PBX4: variants seen among roughly 807,000 people sequenced by gnomAD.
PBX4 encodes pre-B-cell leukemia transcription factor 4.
PBX4 carries 26 observed loss-of-function variants against 35.1 expected under a neutral mutation model. The ratio of observed to expected loss-of-function variants is 0.74; its 90% CI spans 0.54 to 1.03. The LOEUF is 1.03. Among genes scored for constraint, PBX4 ranks in the 50% least tolerant of loss-of-function variants. The pLI, the probability that PBX4 is intolerant of heterozygous loss-of-function variation, is 0.00. For missense variants in PBX4, 448 were observed against 504.3 expected, an observed-to-expected ratio of 0.89 and a Z score of 1.07; for synonymous variants, 199 against 204.2, an observed-to-expected ratio of 0.97 and a Z score of 0.22.
intron 2 of PBX4, among the ~76,000 whole-genome samples, chr19:19,575,629 A>G (rs1257238596): frequency 6.6e-6 from 1 of 152,010 alleles, no homozygotes; most frequent in Non-Finnish European, 1.5e-5. Flanking sequence ...CTGCGGAGGA[A>G]AGTCTCTCCC....
rs774041383 is a variant in PBX4, at chr19:19,570,808, G to A, written c.219C>T (p.Asp73=). 3.7e-6 allele frequency: 6 copies of A among 1,613,934 alleles called. No individual in the cohort carries two copies. Among genetic ancestry groups the A allele is most frequent in the East Asian group, 4.5e-5 (2 of 44,888 alleles). Residue 73 remains aspartate (D), a synonymous_variant, in exon 3 of 8, where the codon GAC becomes GAT. Transcript: ENST00000251203. The part of the protein sequence containing the change: ...KTVVSIRGIQ[D]EDPPDAQLLR... ...GGAGCTGGGCGTCAGGGGGATCTTCGTCTTGAATGCCACGGATGCTTACCA... is the reference window on the plus strand; with the variant it reads ...GGAGCTGGGCGTCAGGGGGATCTTCATCTTGAATGCCACGGATGCTTACCA...
chr19:19,571,330 G>A (rs2061381692), intron 2 of PBX4, among the ~76,000 whole-genome samples: 1 of 152,160 alleles, frequency 6.6e-6, no homozygotes. Context: ...TGTTGGGGTG[G>A]GGGTGCTGTT....
intron 1 of PBX4, among the ~76,000 whole-genome samples, chr19:19,601,443 G>A (rs1262402629): frequency 6.6e-6 from 1 of 152,162 alleles, no homozygotes; most frequent in Non-Finnish European, 1.5e-5. Flanking sequence ...TTGCTTGCTT[G>A]GGTTGGGAAC....
intron 2 of PBX4, among the ~76,000 whole-genome samples, chr19:19,587,788 G>A (rs2061500043): frequency 6.6e-6 from 1 of 151,410 alleles, no homozygotes; most frequent in African/African-American, 2.4e-5. Context: ...TCTTGGTTGA[G>A]GGAGCACATA....
intron 1 of PBX4, among the ~76,000 whole-genome samples, chr19:19,614,553 T>G (rs2144798150): frequency 6.6e-6 from 1 of 151,718 alleles, no homozygotes; most frequent in South Asian, 2.1e-4. Context: ...GAGAATCACT[T>G]GAACCCGGGA....
intron 2 of PBX4, among the ~76,000 whole-genome samples, chr19:19,573,714 G>T (rs1271336052): frequency 6.6e-6 from 1 of 151,466 alleles, no homozygotes; most frequent in Non-Finnish European, 1.5e-5. Flanking sequence ...AAAGCCGCCA[G>T]CAACTCTATT....
chr19:19,609,219 C>T (rs1476459), intron 1 of PBX4, among the ~76,000 whole-genome samples: 1 of 151,900 alleles, frequency 6.6e-6, no homozygotes, highest in African/African-American at 2.4e-5. Context: ...CATCCAACTA[C>T]CCTCCAGTTA....
chr19:19,581,192 T>G (rs975927075), intron 2 of PBX4, among the ~76,000 whole-genome samples: 5 of 152,230 alleles, frequency 3.3e-5, no homozygotes, highest in African/African-American at 1.2e-4. Context: ...CTATTGAATT[T>G]AACACAACTT....
Position 19,564,947 on chromosome 19 carries a change from G to A in PBX4, c.911C>T (p.Ser304Leu). 6.2e-7 allele frequency: 1 copy of A among 1,614,268 alleles called. No individual in the cohort carries two copies. ...GVPGNHASCL[S>L]TPSSGSSGPF... Reference sequence around the variant, plus strand: ...GCCTCACTCACCGGAGCTAGGTGTTGACAGGCAGCTGGCGTGGTTCCCTGG... The same window carrying A: ...GCCTCACTCACCGGAGCTAGGTGTTAACAGGCAGCTGGCGTGGTTCCCTGG... Residue 304 changes from serine to leucine, a missense_variant, in exon 6 of 8, where the codon TCA (serine) becomes TTA (leucine). Transcript: ENST00000251203.
rs1450875573 is a variant in PBX4, at chr19:19,579,374, TTTTGTTA to T, written c.194-8548_194-8542del. ...AAAAAAAATCACCCAGTCTGTGGCATTTTGTTAGGGTGGCCTGAGTAGACTAAGACAG... is the reference window on the plus strand; with the variant it reads ...AAAAAAAATCACCCAGTCTGTGGCATGGGTGGCCTGAGTAGACTAAGACAG... On this transcript the variant is annotated intron_variant, in intron 2 of 7. Transcript: ENST00000251203. Among the ~76,000 whole-genome samples, 36 of 151,854 alleles carry T rather than the reference TTTTGTTA, an allele frequency of 2.4e-4. 1 individual carries two copies. The South Asian group carries it at 2.9e-3, about 12-fold the overall frequency.
intron 2 of PBX4, among the ~76,000 whole-genome samples, chr19:19,598,366 C>T (rs954916354): frequency 1.4e-5 from 2 of 142,536 alleles, no homozygotes; most frequent in Admixed American, 7.3e-5. Context: ...GGCGCGATCT[C>T]GGCTCACTGC....
intron 1 of PBX4, among the ~76,000 whole-genome samples, chr19:19,601,263 G>T (rs2061595693): frequency 6.6e-6 from 1 of 152,214 alleles, no homozygotes; most frequent in African/African-American, 2.4e-5. Flanking sequence ...GGTTTAGGCA[G>T]AAGAAACAGC....
chr19:19,583,826 T>C (rs1355388579), intron 2 of PBX4, among the ~76,000 whole-genome samples: 2 of 151,858 alleles, frequency 1.3e-5, no homozygotes, highest in Non-Finnish European at 2.9e-5. Flanking sequence ...ACCCAGCACT[T>C]TGGGAGGTTG....
chr19:19,581,024 C>T (rs753986867), intron 2 of PBX4, among the ~76,000 whole-genome samples: 10 of 152,204 alleles, frequency 6.6e-5, no homozygotes, highest in South Asian at 2.1e-4. Context: ...TGAACCACTA[C>T]GCCCGACCAG....
intron 2 of PBX4, among the ~76,000 whole-genome samples, chr19:19,593,804 C>T (rs1357321655): frequency 2.0e-5 from 3 of 152,100 alleles, no homozygotes; most frequent in South Asian, 2.1e-4. Context: ...AGCCCTGCAG[C>T]GGCCTTGGGA....
chr19:19,610,662 T>G (rs1487517670), intron 1 of PBX4, among the ~76,000 whole-genome samples: 9 of 148,124 alleles, frequency 6.1e-5, no homozygotes, highest in African/African-American at 2.0e-4. Flanking sequence ...GGCTGAGGCA[T>G]GAGAATCACT....
intron 1 of PBX4, among the ~76,000 whole-genome samples, chr19:19,604,452 G>A (rs2061616603): frequency 1.9e-5 from 1 of 51,804 alleles, no homozygotes; most frequent in East Asian, 1.0e-3. Flanking sequence ...GGGCAACAGA[G>A]CGAGATTCCA....
intron 1 of PBX4, among the ~76,000 whole-genome samples, chr19:19,604,037 T>G (rs1037429926): frequency 9.9e-5 from 15 of 152,094 alleles, no homozygotes; most frequent in African/African-American, 3.6e-4. Context: ...ACTATGCTAT[T>G]AACATTTACT....
Position 19,561,921 on chromosome 19 carries a change from C to T in PBX4, c.*104G>A. The stretch of plus-strand genomic sequence containing the variant: ...AGCAGGGGCTCATGGGCACCACCAC[C>T]CATCTGGGTTTTCTGAGGTCGTCGG... On this transcript the variant is annotated 3_prime_UTR_variant, in exon 8 of 8. Coordinates refer to ENST00000251203, the MANE Select transcript of PBX4 (RefSeq NM_025245.3). 2.1e-6 allele frequency: 2 copies of T among 940,248 alleles called. No homozygotes were observed. Among genetic ancestry groups the T allele is most frequent in the Non-Finnish European group, 3.1e-6 (2 of 637,998 alleles). 58.2% of individuals were successfully genotyped at this position (940,248 alleles called of 1,614,324 possible).
Sources: gnomAD v4.1 joint callset for allele counts (sites outside exome capture counted in the v4.1 genomes callset) on GRCh38, gnomAD v4.1.1 for gene constraint, MANE v1.5 for transcripts, NCBI Gene and HGNC (gene_info 2026-07-23, HGNC 2026-07-21) for gene names.